The following CLTB variants were observed in gnomAD, a reference collection of about 807,000 sequenced individuals.
The protein encoded by CLTB is clathrin light chain B.
CLTB carries 10 observed loss-of-function variants against 30.5 expected under a neutral mutation model. The ratio of observed to expected loss-of-function variants is 0.33; its 90% CI spans 0.20 to 0.56. CLTB has a LOEUF of 0.56. Ranked by LOEUF, CLTB falls within the 20% of genes least tolerant of loss-of-function variation. The pLI is 0.91. For synonymous variants in CLTB, 102 were observed against 120.3 expected (o/e 0.85, Z 1.00); for missense variants, 261 against 308.3 (o/e 0.85, Z 1.15).
chr5:176,406,569 G>A (rs1017245131), intron 2 of CLTB: 2 of 1,288,696 alleles, frequency 1.6e-6, no homozygotes, highest in Non-Finnish European at 2.0e-6. Flanking sequence ...CTGTGCAGAG[G>A]TGGGGAGGCG....
chr5:176,411,675 A>G (rs1047629824), intron 1 of CLTB, among the ~76,000 whole-genome samples: 15 of 152,150 alleles, frequency 9.9e-5, no homozygotes, highest in African/African-American at 3.6e-4. Context: ...CCCACCTACA[A>G]CAGTCCCTGG....
At chr5:176,416,543 G>T (rs1757703563), upstream of CLTB, 2 of 349,296 alleles carry the variant, frequency 5.7e-6, no homozygotes, top group African/African-American at 4.4e-5. Flanking sequence ...TGTCACTGCG[G>T]TGCGGGCGCC....
intron 2 of CLTB, among the ~76,000 whole-genome samples, chr5:176,402,345 T>C (rs1352411850): frequency 6.6e-6 from 1 of 152,138 alleles, no homozygotes; most frequent in Non-Finnish European, 1.5e-5. Flanking sequence ...AGGCTCCCTA[T>C]TATGGCTAGA....
Position 176,416,202 on chromosome 5 carries a change from G to T in CLTB, c.162C>A (p.Pro54=), listed in dbSNP as rs368465370. 6.3e-7 allele frequency: 1 copy of T among 1,589,952 alleles called. No individual in the cohort carries two copies. The change falls in exon 1 of 6, where the codon CCC becomes CCA. Residue 54 remains proline, a synonymous_variant. Transcript: ENST00000310418. ...FGAPAGSHAA[P]AQPGPTSGAG... ...CCCCACTCGTGGGGCCCGGCTGCGC[G>T]GGGGCCGCATGGCTGCCGGCAGGTG... is the stretch of plus-strand genomic sequence containing the variant.
At chr5:176,396,392 T>G in intron 5 of CLTB, 87 bp downstream of exon 5, 1 of 1,228,632 alleles carries the variant, frequency 8.1e-7, no homozygotes. Context: ...CCACACTCAT[T>G]TATATCCCAC....
chr5:176,396,941 CT>C (rs1215990589), intron 4 of CLTB, among the ~76,000 whole-genome samples: 2 of 152,018 alleles, frequency 1.3e-5, no homozygotes, highest in Admixed American at 1.3e-4. Flanking sequence ...GAATGCCCCC[CT>C]ACCTCCTGCC....
In CLTB at chr5:176,397,959, T is replaced by C; in HGVS notation, c.323A>G (p.Glu108Gly). ...QEPESIRKWR[E>G]EQRKRLQELD... is the part of the protein sequence containing the mutation. ...CTCTTGCAGCCGTTTCCTCTGCTCC[T>C]CTCGCCACTTGCGGATGCTCTCAGG... Residue 108 changes from glutamate (E) to glycine (G), a missense_variant, in exon 3 of 6, where the codon GAG (glutamate) becomes GGG (glycine). Glu to Gly is a moderately conservative substitution (Grantham distance 98). This residue lies in a region of CLTB where 123 missense variants were observed against 157.0 expected (regional missense o/e 0.78). Transcript: ENST00000310418. The C allele has an allele frequency of 6.2e-7, 1 of 1,613,982 alleles. No individual in the cohort carries two copies. Among genetic ancestry groups the C allele is most frequent in the Non-Finnish European group, 8.5e-7 (1 of 1,180,012 alleles).
chr5:176,410,553 T>C (rs1455377903), intron 1 of CLTB, among the ~76,000 whole-genome samples: 1 of 152,192 alleles, frequency 6.6e-6, no homozygotes, highest in African/African-American at 2.4e-5. Flanking sequence ...TGTCAACCCA[T>C]TTTACAGATA....
chr5:176,406,570 T>C (rs1179104004), intron 2 of CLTB: 1 of 1,288,562 alleles, frequency 7.8e-7, no homozygotes, highest in African/African-American at 1.5e-5. Flanking sequence ...TGTGCAGAGG[T>C]GGGGAGGCGG....
rs369020163 is a variant in CLTB, at chr5:176,393,982, G to T, written c.519-1037C>A. On this transcript the variant is annotated intron_variant, in intron 5 of 5. Transcript: ENST00000310418. The surrounding 1 kb of genome is among the most constrained non-coding windows in gnomAD (Gnocchi z 4.4). ...GCCAGACATGACTGATGGCAGGAGC[G>T]CTCCATGGAAGAGCTGACCCCGGAT... Among the ~76,000 whole-genome samples the T allele has an allele frequency of 1.3e-5, 2 of 152,292 alleles. No individual in the cohort carries two copies. Among genetic ancestry groups the T allele is most frequent in the African/African-American group, 4.8e-5 (2 of 41,554 alleles).
intron 5 of CLTB, among the ~76,000 whole-genome samples, chr5:176,395,716 G>T (rs986945255): frequency 6.6e-6 from 1 of 152,200 alleles, no homozygotes; most frequent in African/African-American, 2.4e-5. Flanking sequence ...GTGGTGGTCT[G>T]GGCAGGGGCT....
At chr5:176,408,546 A>AG (rs1340788874) in intron 2 of CLTB, among the ~76,000 whole-genome samples, 1 of 152,006 alleles carries the variant, frequency 6.6e-6, no homozygotes, top group Non-Finnish European at 1.5e-5. Flanking sequence ...CAGGAAAAAA[A>AG]AAAAAAAAAG....
At chr5:176,409,976 C>T (rs1406275299) in intron 2 of CLTB, among the ~76,000 whole-genome samples, 2 of 152,158 alleles carry the variant, frequency 1.3e-5, no homozygotes, top group Non-Finnish European at 2.9e-5. Flanking sequence ...TCATCTCATG[C>T]TGCTGTGGGC....
At chr5:176,410,232 A>T (rs929581533) in intron 2 of CLTB, 25 bp downstream of exon 2, 1 of 1,611,292 alleles carries the variant, frequency 6.2e-7, no homozygotes, top group Non-Finnish European at 8.5e-7. Context: ...GGTCCTTACC[A>T]CTGCTGAGAC....
intron 1 of CLTB, among the ~76,000 whole-genome samples, chr5:176,410,826 C>T (rs933468635): frequency 6.6e-6 from 1 of 151,970 alleles, no homozygotes; most frequent in Non-Finnish European, 1.5e-5. Flanking sequence ...TTGCAGTTCC[C>T]ACCAGAAGCA....
intron 2 of CLTB, among the ~76,000 whole-genome samples, chr5:176,399,459 G>A (rs1397919632): frequency 6.6e-6 from 1 of 152,194 alleles, no homozygotes; most frequent in Non-Finnish European, 1.5e-5. Context: ...TTGAAAAATG[G>A]GGCTGGGCAT....
chr5:176,406,811 G>A (rs1757145553), intron 2 of CLTB: 5 of 854,320 alleles, frequency 5.9e-6, no homozygotes, highest in Non-Finnish European at 7.9e-6. Flanking sequence ...GCAGGTGCAG[G>A]CCAGACCTGC....
chr5:176,406,552 A>G, intron 2 of CLTB: 1 of 1,278,740 alleles, frequency 7.8e-7, no homozygotes, highest in Non-Finnish European at 1.0e-6. Flanking sequence ...GGGAAAGGAG[A>G]GAGGATCTGT....
chr5:176,409,315 A>C (rs1757301971), intron 2 of CLTB, among the ~76,000 whole-genome samples: 1 of 143,180 alleles, frequency 7.0e-6, no homozygotes, highest in Non-Finnish European at 1.5e-5. Context: ...AAAAAAAAGG[A>C]CCATACTGTG....
Sources: allele counts gnomAD v4.1 joint callset (sites outside exome capture counted in the v4.1 genomes callset), GRCh38; gene constraint gnomAD v4.1.1; regional missense constraint gnomAD v4.1.1; non-coding constraint Gnocchi (gnomAD v3.1); transcripts MANE v1.5; gene names NCBI Gene and HGNC (gene_info 2026-07-23, HGNC 2026-07-21).